The following USP37 variants were observed in gnomAD, a reference collection of about 807,000 sequenced individuals.
USP37 encodes ubiquitin specific peptidase 37.
A neutral mutation model predicts 124.0 loss-of-function variants in USP37; 27 were observed. The ratio of observed to expected loss-of-function variants is 0.22; its 90% CI spans 0.16 to 0.30. USP37 has a LOEUF of 0.30. USP37 is among the 10% of genes least tolerant of loss of function. The probability of loss-of-function intolerance (pLI) is 1.00; values close to 1 mark genes in which losing one functional copy is unlikely to be tolerated. For missense variants in USP37, 889 were observed against 1,140.4 expected, an observed-to-expected ratio of 0.78 and a Z score of 3.17; for synonymous variants, 365 against 388.0, an observed-to-expected ratio of 0.94 and a Z score of 0.70.
chr2:218,552,775 A>G (rs915988686), intron 5 of USP37, among the ~76,000 whole-genome samples: 9 of 152,166 alleles, frequency 5.9e-5, no homozygotes, highest in African/African-American at 1.9e-4. Context: ...TAATTTTCAT[A>G]TAGATAGGTA....
chr2:218,558,488 T>G lies in USP37; in HGVS notation c.156+10A>C. 1.2e-6 allele frequency: 2 copies of G among 1,606,918 alleles called. No homozygotes were observed. The highest frequency in any genetic ancestry group is 2.2e-5 in the East Asian group (1 of 44,676). ...TTCAAGAGCTATTCCAAATCAATATTTGGTATTACCTGAAATATCCTTGGA... is the reference window on the plus strand; with the variant it reads ...TTCAAGAGCTATTCCAAATCAATATGTGGTATTACCTGAAATATCCTTGGA... On this transcript the variant is annotated intron_variant, in intron 4 of 25. Coordinates refer to ENST00000258399, the MANE Select transcript of USP37 (RefSeq NM_020935.3).
chr2:218,556,788 C>T (rs1693004456), intron 4 of USP37, among the ~76,000 whole-genome samples: 2 of 151,978 alleles, frequency 1.3e-5, no homozygotes, highest in African/African-American at 4.8e-5. Context: ...GCTGGGATTA[C>T]AGACGTGAGC....
chr2:218,488,738 C>T (rs1156360038), intron 14 of USP37, among the ~76,000 whole-genome samples: 2 of 152,184 alleles, frequency 1.3e-5, no homozygotes, highest in Non-Finnish European at 2.9e-5. Context: ...CGGGTTCAAG[C>T]GATTCTCCTG....
At chr2:218,518,073 A>G (rs1445176681) in intron 10 of USP37, among the ~76,000 whole-genome samples, 4 of 152,052 alleles carry the variant, frequency 2.6e-5, no homozygotes, top group Non-Finnish European at 4.4e-5. Flanking sequence ...CTCCCACCTC[A>G]GCCTCCCAAG....
intron 4 of USP37, among the ~76,000 whole-genome samples, chr2:218,556,084 G>A (rs1692953351): frequency 1.3e-5 from 2 of 152,134 alleles, no homozygotes; most frequent in South Asian, 4.1e-4. Flanking sequence ...AAAGAAATGT[G>A]AGTTTGAGAT....
intron 14 of USP37, among the ~76,000 whole-genome samples, chr2:218,494,378 A>G (rs1688961561): frequency 6.6e-6 from 1 of 152,234 alleles, no homozygotes; most frequent in Admixed American, 6.5e-5. Context: ...CTGGAGCTGG[A>G]GAAAATCCCA....
At chr2:218,547,214 G>T in intron 6 of USP37, 123 bp from the exon 7 acceptor site, 1 of 1,046,726 alleles carries the variant, frequency 9.6e-7, no homozygotes, top group Non-Finnish European at 1.3e-6. Flanking sequence ...GCTCATGCCT[G>T]TAATCCCAGA....
In USP37 at chr2:218,548,706, A is replaced by G. The variant is rs181805194; in HGVS notation, c.429+1103T>C. 2.7e-4 allele frequency among the ~76,000 whole-genome samples: 38 copies of G among 139,830 alleles called. No individual in the cohort carries two copies. The East Asian group carries it at 6.7e-3, about 25-fold the overall frequency. The allele number at this position is 139,830 out of a possible 152,430, so 91.7% of individuals were successfully genotyped here. On this transcript the variant is annotated intron_variant, in intron 6 of 25. Transcript: ENST00000258399. ...ATATGTATAAATAAACCAAAATAAA[A>G]GTTTGAAAAATCAGTATTTATCCTT...
intron 11 of USP37, among the ~76,000 whole-genome samples, chr2:218,499,032 T>C (rs1295306615): frequency 6.6e-6 from 1 of 152,188 alleles, no homozygotes; most frequent in South Asian, 2.1e-4. Context: ...CCCAGCACTT[T>C]GGGAGGCCAA....
At chr2:218,528,843 A>ATT in intron 10 of USP37, 1 of 307,794 alleles carries the variant, frequency 3.2e-6, no homozygotes. Context: ...AAAAAAAAAG[A>ATT]GCTTATCTAT....
Position 218,497,403 on chromosome 2 carries a change from T to C in USP37, c.1281+331A>G, listed in dbSNP as rs184173542. 2.0e-3 allele frequency among the ~76,000 whole-genome samples: 298 copies of C among 151,818 alleles called. 1 individual carries two copies. Among genetic ancestry groups the C allele is most frequent in the Non-Finnish European group, 2.7e-3 (182 of 67,964 alleles). On this transcript the variant is annotated intron_variant, in intron 13 of 25. Coordinates refer to ENST00000258399, the MANE Select transcript of USP37 (RefSeq NM_020935.3). ...TTTATTTTTATAAATATTTATTTAT[T>C]TATTTTTTGAGATGGAGTCTTGCTC...
intron 8 of USP37, among the ~76,000 whole-genome samples, chr2:218,535,105 C>T (rs2106030071): frequency 6.6e-6 from 1 of 152,286 alleles, no homozygotes; most frequent in South Asian, 2.1e-4. Context: ...GTGGCTCACT[C>T]CTGTAATCCC....
chr2:218,480,765 T>A (rs940027297), intron 17 of USP37, among the ~76,000 whole-genome samples: 7 of 152,236 alleles, frequency 4.6e-5, no homozygotes, highest in African/African-American at 1.7e-4. Context: ...AGGCCTGTGA[T>A]CATACACTAT....
At chr2:218,527,870 A>G (rs1218633059) in intron 10 of USP37, among the ~76,000 whole-genome samples, 1 of 152,178 alleles carries the variant, frequency 6.6e-6, no homozygotes, top group Non-Finnish European at 1.5e-5. Context: ...TATACAAATA[A>G]CCAAGATGTT....
chr2:218,511,002 G>GA (rs796867310), intron 10 of USP37, among the ~76,000 whole-genome samples: 25 of 147,500 alleles, frequency 1.7e-4, no homozygotes, highest in East Asian at 3.9e-4. Flanking sequence ...CTCCAAAAAA[G>GA]AAAAAAAAAA....
At position 218,544,424 on chromosome 2, in the gene USP37, TATATATAG is replaced by T. The variant is rs1464706451; in HGVS notation, c.680+1789_680+1796del. ...AAAAAAAAATATATATATATATATA[TATATATAG>T]AGAGAGAGAGAGAGAGAGAGAGAGA... On this transcript the variant is annotated intron_variant, in intron 8 of 25. Coordinates refer to ENST00000258399, the MANE Select transcript of USP37 (RefSeq NM_020935.3). Among the ~76,000 whole-genome samples the T allele has an allele frequency of 5.8e-3, 330 of 57,182 alleles. 2 individuals are homozygous for T. Among genetic ancestry groups the T allele is most frequent in the African/African-American group, 6.6e-3 (62 of 9,456 alleles). 37.5% of individuals were successfully genotyped at this position (57,182 alleles called of 152,430 possible).
At chr2:218,534,481 T>TC (rs1691510444) in intron 9 of USP37, 128 bp downstream of exon 9, 1 of 385,530 alleles carries the variant, frequency 2.6e-6, no homozygotes, top group East Asian at 7.2e-5. Flanking sequence ...AGAGCAAGAC[T>TC]CCGTCTCAAA....
chr2:218,463,198 A>T, intron 22 of USP37, 108 bp downstream of exon 22: 1 of 575,768 alleles, frequency 1.7e-6, no homozygotes, highest in Non-Finnish European at 2.9e-6. Flanking sequence ...ACACACACAC[A>T]CACACACACA....
At chr2:218,511,345 G>C (rs1689981184) in intron 10 of USP37, among the ~76,000 whole-genome samples, 1 of 151,926 alleles carries the variant, frequency 6.6e-6, no homozygotes. Context: ...TTTTGCTCTT[G>C]TTGCCCAAGC....
Sources: allele counts gnomAD v4.1 joint callset (sites outside exome capture counted in the v4.1 genomes callset), GRCh38; gene constraint gnomAD v4.1.1; transcripts MANE v1.5; gene names NCBI Gene and HGNC (gene_info 2026-07-23, HGNC 2026-07-21).